TLN2: variants seen among roughly 807,000 people sequenced by gnomAD.
TLN2 encodes talin-2.
A neutral mutation model predicts 294.7 loss-of-function variants in TLN2; 118 were observed. The ratio of observed to expected loss-of-function variants is 0.40; its 90% CI spans 0.34 to 0.47. The LOEUF is 0.47. Ranked by LOEUF, TLN2 falls within the 20% of genes least tolerant of loss-of-function variation. The pLI, the probability that TLN2 is intolerant of heterozygous loss-of-function variation, is 0.84. For missense variants in TLN2, 3,083 were observed against 3,282.2 expected (o/e 0.94, Z 1.48); for synonymous variants, 1,431 against 1,304.5 (o/e 1.10, Z -2.09).
chr15:62,698,249 T>TC (rs1422193291), intron 15 of TLN2, among the ~76,000 whole-genome samples: 2 of 152,226 alleles, frequency 1.3e-5, no homozygotes, highest in Non-Finnish European at 2.9e-5. Flanking sequence ...TGCTGGTCTG[T>TC]CCGGCTCAGT....
intron 1 of TLN2, among the ~76,000 whole-genome samples, chr15:62,465,636 C>T (rs1389665278): frequency 6.6e-6 from 1 of 152,204 alleles, no homozygotes; most frequent in African/African-American, 2.4e-5. Flanking sequence ...GGTGGTAGCA[C>T]ATTTTCTCTA....
chr15:62,542,448 C>A (rs1422525699), intron 1 of TLN2, among the ~76,000 whole-genome samples: 1 of 152,180 alleles, frequency 6.6e-6, no homozygotes, highest in East Asian at 1.9e-4. Context: ...CCTTGGCCTC[C>A]CAAAGTGCTG....
intron 7 of TLN2, among the ~76,000 whole-genome samples, chr15:62,654,271 C>A (rs2052939816): frequency 6.6e-6 from 1 of 152,066 alleles, no homozygotes; most frequent in African/African-American, 2.4e-5. Flanking sequence ...GTTCCTCTGT[C>A]CCTTTTAATT....
intron 1 of TLN2, among the ~76,000 whole-genome samples, chr15:62,540,167 C>G (rs1398264869): frequency 1.3e-5 from 2 of 151,856 alleles, no homozygotes; most frequent in Non-Finnish European, 2.9e-5. Context: ...TGGTGAAACC[C>G]CGTCTCTACT....
rs1491242073 is a variant in TLN2 at position 62,742,024 on chromosome 15, G to GTGTGTGTGTGTGT, written c.4025+1255_4025+1256insTGTGTGTGTGTGT. Among the ~76,000 whole-genome samples, 63 of 82,270 alleles carry GTGTGTGTGTGTGT rather than the reference G, an allele frequency of 7.7e-4. 5 individuals are homozygous for GTGTGTGTGTGTGT. The highest frequency in any genetic ancestry group is 4.0e-3 in the South Asian group (9 of 2,258). The allele number at this position is 82,270 out of a possible 152,430, so 54.0% of individuals were successfully genotyped here. A position where few individuals can be genotyped will look rare whatever the true frequency, so the allele number is the denominator to read the frequency against. On this transcript the variant is annotated intron_variant, in intron 32 of 58. Transcript: ENST00000636159. ...CTTCCTCCCTCTTGGCTTGTAGTGG[G>GTGTGTGTGTGTGT]GTGTGTGTGTGTGTGTGTGTGTGTG...
intron 11 of TLN2, among the ~76,000 whole-genome samples, chr15:62,681,013 C>T (rs1218444666): frequency 6.6e-6 from 1 of 152,174 alleles, no homozygotes; most frequent in Non-Finnish European, 1.5e-5. Flanking sequence ...ACATCTTTGG[C>T]AGTTGTCAAT....
intron 54 of TLN2, among the ~76,000 whole-genome samples, chr15:62,821,453 T>A (rs1286514381): frequency 6.6e-6 from 1 of 152,264 alleles, no homozygotes; most frequent in African/African-American, 2.4e-5. Flanking sequence ...ATTCCACCAA[T>A]TTAGGTATAC....
chr15:62,777,426 C>T (rs377106014), intron 43 of TLN2, among the ~76,000 whole-genome samples: 29 of 151,918 alleles, frequency 1.9e-4, no homozygotes, highest in African/African-American at 7.0e-4. Flanking sequence ...ATCCCAGCTA[C>T]TCAGGAGGCT....
At chr15:62,815,208 CA>C (rs1161151922) in intron 52 of TLN2, among the ~76,000 whole-genome samples, 9 of 151,518 alleles carry the variant, frequency 5.9e-5, no homozygotes, top group African/African-American at 2.2e-4. Context: ...CACACACACA[CA>C]CACACACACA....
intron 1 of TLN2, among the ~76,000 whole-genome samples, chr15:62,568,472 A>C (rs2043596510): frequency 6.6e-6 from 1 of 152,188 alleles, no homozygotes; most frequent in African/African-American, 2.4e-5. Flanking sequence ...AAAGGTAGGG[A>C]GTGATGAACT....
chr15:62,707,002 T>C (rs1567411734), intron 19 of TLN2, 84 bp from the exon 20 acceptor site: 3 of 1,436,012 alleles, frequency 2.1e-6, no homozygotes. Flanking sequence ...AAAGATCAAA[T>C]GGAATTTTAA....
At chr15:62,769,686 C>A (rs1047824192) in intron 41 of TLN2, among the ~76,000 whole-genome samples, 3 of 152,118 alleles carry the variant, frequency 2.0e-5, no homozygotes, top group African/African-American at 7.2e-5. Flanking sequence ...CTCCTGCTGG[C>A]CCAGTGACTG....
intron 28 of TLN2, among the ~76,000 whole-genome samples, chr15:62,728,949 C>A (rs1305739602): frequency 6.6e-6 from 1 of 152,150 alleles, no homozygotes. Flanking sequence ...ATGTTCTCCT[C>A]TGTCGTATTC....
chr15:62,832,388 C>T (rs2068959668), intron 54 of TLN2: 1 of 152,170 alleles, frequency 6.6e-6, no homozygotes, highest in African/African-American at 2.4e-5. Flanking sequence ...GACCTGAGGG[C>T]AGCTTAACCA....
intron 1 of TLN2, among the ~76,000 whole-genome samples, chr15:62,535,590 C>G (rs928778082): frequency 7.1e-6 from 1 of 140,488 alleles, no homozygotes. Context: ...GTGTCTGGTT[C>G]TGTTGCCCCG....
chr15:62,504,846 T>TGTGTGTGTGAGAGA (rs1207922838), intron 1 of TLN2, among the ~76,000 whole-genome samples: 2 of 144,392 alleles, frequency 1.4e-5, no homozygotes, highest in Admixed American at 6.8e-5. Flanking sequence ...TGTGTGTGTG[T>TGTGTGTGTGAGAGA]GAGAGAGAGA....
rs117190383 is a variant in TLN2, at chr15:62,445,127, A to G, written c.-238+54442A>G. Among the ~76,000 whole-genome samples the G allele has an allele frequency of 3.6e-3, 550 of 152,286 alleles. 1 individual carries two copies. The highest frequency in any genetic ancestry group is 5.5e-3 in the Non-Finnish European group (371 of 68,018). ...CAGGGAGGCCTTACTGGCAGAATTG[A>G]TCTTTAAGATAGAACTGGAGCTGTT... On this transcript the variant is annotated intron_variant, in intron 1 of 58. Transcript: ENST00000636159.
At chr15:62,506,454 C>T (rs1024101219) in intron 1 of TLN2, among the ~76,000 whole-genome samples, 1 of 152,360 alleles carries the variant, frequency 6.6e-6, no homozygotes, top group African/African-American at 2.4e-5. Context: ...GTATTACAAA[C>T]ACCAGACTGG....
intron 8 of TLN2, among the ~76,000 whole-genome samples, chr15:62,657,314 T>C (rs1224797971): frequency 3.9e-5 from 6 of 152,114 alleles, no homozygotes; most frequent in Non-Finnish European, 7.4e-5. Flanking sequence ...CGCCTTTCTT[T>C]CTCTTCCTCT....
Sources: gnomAD v4.1 joint callset for allele counts (sites outside exome capture counted in the v4.1 genomes callset) on GRCh38, gnomAD v4.1.1 for gene constraint, MANE v1.5 for transcripts, NCBI Gene and HGNC (gene_info 2026-07-23, HGNC 2026-07-21) for gene names.